The following VTI1A variants were observed in gnomAD, a reference collection of about 807,000 sequenced individuals.
VTI1A encodes the protein vesicle transport through interaction with t-SNAREs homolog 1A.
VTI1A carries 22 observed loss-of-function variants against 34.9 expected under a neutral mutation model. The observed-to-expected ratio is 0.63, with a 90% CI of 0.45 to 0.90. The LOEUF (loss-of-function observed/expected upper bound fraction) is 0.90, where lower values mean the gene tolerates loss of function less well. Among genes scored for constraint, VTI1A ranks in the 40% least tolerant of loss-of-function variants. The pLI is 0.00. For missense variants in VTI1A, 268 were observed against 275.6 expected, an observed-to-expected ratio of 0.97 and a Z score of 0.20; for synonymous variants, 87 against 97.3, an observed-to-expected ratio of 0.89 and a Z score of 0.62.
At chr10:112,729,185 T>A (rs973475980) in intron 7 of VTI1A, among the ~76,000 whole-genome samples, 5 of 152,148 alleles carry the variant, frequency 3.3e-5, no homozygotes, top group Non-Finnish European at 7.4e-5. Flanking sequence ...AAGGTAATAA[T>A]TAATGAAAAA....
chr10:112,723,712 A>G (rs1293970153), intron 7 of VTI1A, among the ~76,000 whole-genome samples: 2 of 152,236 alleles, frequency 1.3e-5, no homozygotes, highest in Non-Finnish European at 2.9e-5. Flanking sequence ...TAATTTGAAT[A>G]TGTGGGATAG....
intron 4 of VTI1A, among the ~76,000 whole-genome samples, chr10:112,530,590 C>T (rs1850383258): frequency 6.6e-6 from 1 of 152,036 alleles, no homozygotes; most frequent in African/African-American, 2.4e-5. Context: ...TTAATAAATC[C>T]TAAATAGAAG....
intron 3 of VTI1A, among the ~76,000 whole-genome samples, chr10:112,518,981 T>A (rs4414150): frequency 0.13 from 19,353 of 151,908 alleles, 1,414 homozygotes; most frequent in East Asian, 0.28. Flanking sequence ...TTGGACTAAA[T>A]TAATTTTCTT....
chr10:112,526,273 G>T (rs954448238), intron 3 of VTI1A, among the ~76,000 whole-genome samples: 1 of 152,152 alleles, frequency 6.6e-6, no homozygotes, highest in Non-Finnish European at 1.5e-5. Flanking sequence ...ATAGAGAGGG[G>T]TATATTTCTT....
intron 7 of VTI1A, among the ~76,000 whole-genome samples, chr10:112,790,532 C>T (rs533118270): frequency 1.1e-4 from 17 of 152,260 alleles, no homozygotes; most frequent in African/African-American, 3.8e-4. Context: ...CATTCATTAC[C>T]TACCGAGTTT....
At chr10:112,596,682 T>C (rs1357537267) in intron 5 of VTI1A, among the ~76,000 whole-genome samples, 2 of 152,212 alleles carry the variant, frequency 1.3e-5, no homozygotes, top group East Asian at 3.8e-4. Context: ...TTCTCTCACA[T>C]TGAGCAGAAG....
At chr10:112,476,619 T>A (rs1848286104) in intron 3 of VTI1A, among the ~76,000 whole-genome samples, 1 of 152,180 alleles carries the variant, frequency 6.6e-6, no homozygotes, top group African/African-American at 2.4e-5. Flanking sequence ...TCTTAAGGCT[T>A]ACTTACGTTC....
intron 7 of VTI1A, chr10:112,736,686 G>A (rs886952076): frequency 3.0e-5 from 46 of 1,551,444 alleles, no homozygotes; most frequent in Non-Finnish European, 3.7e-5. Flanking sequence ...GGGATGGTGA[G>A]AAATGCTACA....
chr10:112,710,364 C>T (rs1282730530), intron 7 of VTI1A, among the ~76,000 whole-genome samples: 3 of 151,930 alleles, frequency 2.0e-5, no homozygotes, highest in South Asian at 2.1e-4. Flanking sequence ...TGCACCACCA[C>T]GCTGCCTAAC....
At chr10:112,493,873 G>A (rs1040818575) in intron 3 of VTI1A, among the ~76,000 whole-genome samples, 1 of 152,124 alleles carries the variant, frequency 6.6e-6, no homozygotes, top group Non-Finnish European at 1.5e-5. Context: ...CTTATATTGT[G>A]TTAAGGATTT....
intron 7 of VTI1A, among the ~76,000 whole-genome samples, chr10:112,669,676 CT>C (rs1408779350): frequency 6.6e-6 from 1 of 152,080 alleles, no homozygotes; most frequent in Non-Finnish European, 1.5e-5. Context: ...TCTAGCACGA[CT>C]GTCAGTTTGG....
intron 7 of VTI1A, among the ~76,000 whole-genome samples, chr10:112,750,886 C>T (rs1432680632): frequency 6.6e-6 from 1 of 152,180 alleles, no homozygotes; most frequent in South Asian, 2.1e-4. Context: ...ATGGCAACCT[C>T]GGCCTTTAGT....
the VTI1A span, chr10:112,831,460 G>A: frequency 6.6e-6 from 1 of 152,174 alleles, no homozygotes; most frequent in African/African-American, 2.4e-5. Flanking sequence ...GGATGAAATG[G>A]TATTCACCAG....
At chr10:112,777,491 T>C (rs890743957) in intron 7 of VTI1A, among the ~76,000 whole-genome samples, 1 of 152,184 alleles carries the variant, frequency 6.6e-6, no homozygotes, top group Non-Finnish European at 1.5e-5. Context: ...GAGTCTGACA[T>C]AGAGCACTGT....
At chr10:112,645,358 C>G (rs983768140) in intron 5 of VTI1A, among the ~76,000 whole-genome samples, 3 of 152,170 alleles carry the variant, frequency 2.0e-5, no homozygotes, top group Non-Finnish European at 4.4e-5. Context: ...TTTGGTATTT[C>G]TCACTAGTTT....
chr10:112,630,339 G>A (rs945276581), intron 5 of VTI1A, among the ~76,000 whole-genome samples: 1 of 152,124 alleles, frequency 6.6e-6, no homozygotes, highest in Non-Finnish European at 1.5e-5. Flanking sequence ...TCCCTAGCCT[G>A]GGTTGGGTCA....
At chr10:112,826,320 T>G in the VTI1A span, 1 of 152,224 alleles carries the variant, frequency 6.6e-6, no homozygotes, top group Admixed American at 6.5e-5. Flanking sequence ...GGATCTGGAC[T>G]GGCATCCAAA....
intron 3 of VTI1A, among the ~76,000 whole-genome samples, chr10:112,518,655 A>G (rs1046807739): frequency 9.7e-5 from 14 of 144,238 alleles, no homozygotes; most frequent in African/African-American, 2.0e-4. Context: ...ATACGTGTAT[A>G]TATATATATA....
chr10:112,796,403 CA>C (rs34102399), intron 7 of VTI1A, among the ~76,000 whole-genome samples: 123 of 37,470 alleles, frequency 3.3e-3, no homozygotes, highest in East Asian at 0.015. Flanking sequence ...AAGACTCCGT[CA>C]AAAAAAAAAA....
Sources: gnomAD v4.1 joint callset for allele counts (sites outside exome capture counted in the v4.1 genomes callset) on GRCh38, gnomAD v4.1.1 for gene constraint, MANE v1.5 for transcripts, NCBI Gene and HGNC (gene_info 2026-07-23, HGNC 2026-07-21) for gene names.